Variants in NRK observed in about 807,000 individuals in gnomAD.
The protein encoded by NRK is nik-related protein kinase.
Under a neutral mutation model 125.2 loss-of-function variants are expected in NRK, and 67 were observed. The ratio of observed to expected loss-of-function variants is 0.54; its 90% CI spans 0.44 to 0.66. The LOEUF is 0.66. NRK is among the 30% of genes least tolerant of loss of function. The probability of loss-of-function intolerance (pLI) is 0.00; values close to 1 mark genes in which losing one functional copy is unlikely to be tolerated. For missense variants in NRK, 1,224 were observed against 1,192.9 expected, an observed-to-expected ratio of 1.03 and a Z score of -0.38; for synonymous variants, 458 against 429.0, an observed-to-expected ratio of 1.07 and a Z score of -0.84.
Position 105,935,250 on chromosome X carries a change from C to T in NRK, c.3580C>T (p.Pro1194Ser), listed in dbSNP as rs186268349. 4.2e-6 allele frequency: 5 copies of T among 1,191,869 alleles called. No individual in the cohort carries two copies. The highest frequency in any genetic ancestry group is 5.7e-6 in the Non-Finnish European group (5 of 879,625). Reference sequence around the variant, plus strand: ...CAATGTTAACCCACTCTATGTCTCTCCTGCATGTAAAAAACCACTAATCCA... The same window carrying T: ...CAATGTTAACCCACTCTATGTCTCTTCTGCATGTAAAAAACCACTAATCCA... ...EVNVNPLYVS[P>S]ACKKPLIHMY... The change falls in exon 21 of 29, where the codon CCT becomes TCT. Residue 1194 changes from proline to serine, a missense_variant. Coordinates refer to ENST00000243300, the MANE Select transcript of NRK (RefSeq NM_198465.4).
intron 16 of NRK, 90 bp downstream of exon 16, chrX:105,917,762 G>A (rs2040385438): frequency 1.5e-5 from 7 of 482,700 alleles, no homozygotes; most frequent in Non-Finnish European, 2.3e-5. Context: ...AGAATTTCAA[G>A]AAGGAATGAA....
At chrX:105,923,928 T>A (rs2040489234) in intron 18 of NRK, among the ~76,000 whole-genome samples, 1 of 78,917 alleles carries the variant, frequency 1.3e-5, no homozygotes, top group Non-Finnish European at 2.1e-5. Context: ...TATATATATG[T>A]GAAATTTAAG....
intron 24 of NRK, among the ~76,000 whole-genome samples, chrX:105,944,734 C>T (rs1281724719): frequency 9.0e-6 from 1 of 111,721 alleles, no homozygotes; most frequent in African/African-American, 3.3e-5. Context: ...GCCTTTGCTC[C>T]AGTTACCATG....
In NRK at chrX:105,924,866, T is replaced by C. The variant is rs774352637; in HGVS notation, c.3147T>C (p.Asn1049=). ...GAGATCAGGAAGAACATGCAGCCAATATAGGCAGTGAAAGAAGAGGCAGTG... is the reference window on the plus strand; with the variant it reads ...GAGATCAGGAAGAACATGCAGCCAACATAGGCAGTGAAAGAAGAGGCAGTG... The part of the protein sequence containing the change: ...AIGDQEEHAA[N]IGSERRGSEG... The change falls in exon 19 of 29, where the codon AAT becomes AAC. Residue 1049 remains asparagine (N), a synonymous_variant. Coordinates refer to ENST00000243300, the MANE Select transcript of NRK (RefSeq NM_198465.4). 74 of 1,208,831 alleles carry C rather than the reference T, an allele frequency of 6.1e-5. No individual in the cohort carries two copies. The highest frequency in any genetic ancestry group is 8.0e-5 in the Non-Finnish European group (72 of 894,780).
chrX:105,895,374 A>C (rs2040068751), intron 6 of NRK, 59 bp from the exon 7 acceptor site: 1 of 883,052 alleles, frequency 1.1e-6, no homozygotes, highest in Non-Finnish European at 1.6e-6. Flanking sequence ...AGAAAGAAAG[A>C]AAGAAAGAAA....
intron 12 of NRK, 65 bp downstream of exon 12, chrX:105,908,368 A>G: frequency 3.6e-6 from 2 of 559,857 alleles, no homozygotes; most frequent in Non-Finnish European, 5.5e-6. Context: ...TTGATTCCAT[A>G]CTGTTGCCTT....
At chrX:105,904,528 A>T (rs1419628670) in intron 9 of NRK, among the ~76,000 whole-genome samples, 3 of 111,916 alleles carry the variant, frequency 2.7e-5, no homozygotes, top group African/African-American at 9.7e-5. Context: ...AAAATTATTT[A>T]AAAAATTTTT....
intron 16 of NRK, among the ~76,000 whole-genome samples, chrX:105,918,282 G>T (rs2040392120): frequency 9.0e-6 from 1 of 111,258 alleles, no homozygotes; most frequent in Non-Finnish European, 1.9e-5. Flanking sequence ...GAAATATTAG[G>T]ATAAACAAAG....
chrX:105,936,769 T>C (rs1479401229), intron 21 of NRK, among the ~76,000 whole-genome samples: 1 of 111,392 alleles, frequency 9.0e-6, no homozygotes, highest in Admixed American at 9.6e-5. Context: ...TTTGAACAAA[T>C]AGAGCCAGTC....
In NRK at chrX:105,894,579, G is replaced by A. The variant is rs655611; in HGVS notation, c.489+637G>A. ...GGTTGGATTCACTTGTGATAATAGT[G>A]TAAATGGTTGAGAGTTCAAACTCTG... On this transcript the variant is annotated intron_variant, in intron 6 of 28. Transcript: ENST00000243300. Among the ~76,000 whole-genome samples the A allele has an allele frequency of 6.9e-3, 770 of 111,623 alleles. 8 individuals are homozygous for A. The highest frequency in any genetic ancestry group is 0.058 in the South Asian group (153 of 2,652).
chrX:105,926,784 T>C (rs946995249), intron 19 of NRK, among the ~76,000 whole-genome samples: 1 of 111,318 alleles, frequency 9.0e-6, no homozygotes, highest in African/African-American at 3.3e-5. Flanking sequence ...GATGCCTTTA[T>C]CAAAAATCAA....
intron 20 of NRK, among the ~76,000 whole-genome samples, chrX:105,934,714 G>C (rs1192077505): frequency 8.9e-6 from 1 of 112,437 alleles, no homozygotes; most frequent in African/African-American, 3.2e-5. Flanking sequence ...GTTCAACAAT[G>C]TATTTTAGCC....
chrX:105,907,779 A>G (rs1459764673), intron 11 of NRK: 1 of 112,429 alleles, frequency 8.9e-6, no homozygotes, highest in Non-Finnish European at 1.9e-5. Context: ...AGCTGATGAT[A>G]GGAAAGAAGC....
upstream of NRK, chrX:105,822,532 A>C: frequency 3.2e-6 from 1 of 309,513 alleles, no homozygotes; most frequent in Non-Finnish European, 5.6e-6. Flanking sequence ...GCGCACCCTG[A>C]CGGGGCAGAC....
At chrX:105,881,012 T>A (rs2039877451) in intron 3 of NRK, among the ~76,000 whole-genome samples, 1 of 111,913 alleles carries the variant, frequency 8.9e-6, no homozygotes, top group Non-Finnish European at 1.9e-5. Context: ...TTCCAATTTG[T>A]GCAGGAAGTG....
chrX:105,948,424 T>C (rs2147797601), intron 26 of NRK: 1 of 271,693 alleles, frequency 3.7e-6, no homozygotes, highest in African/African-American at 2.8e-5. Context: ...ATACTATTTT[T>C]CCAAGAGTGC....
At chrX:105,826,870 T>C (rs1036205984) in intron 1 of NRK, among the ~76,000 whole-genome samples, 21 of 111,075 alleles carry the variant, frequency 1.9e-4, no homozygotes, top group Admixed American at 5.8e-4. Flanking sequence ...CACCTCTGCA[T>C]AACACTGCAC....
intron 2 of NRK, among the ~76,000 whole-genome samples, chrX:105,866,261 C>A (rs1176259758): frequency 1.8e-5 from 2 of 110,899 alleles, no homozygotes; most frequent in African/African-American, 6.5e-5. Flanking sequence ...ATTGATACTT[C>A]CATAATCACA....
At position 105,931,232 on chromosome X, in the gene NRK, G is replaced by A. The variant is rs572378996; in HGVS notation, c.3313-3026G>A. ...GTCACAGCATTTCAGCCATCAGTTG[G>A]GGCTTGGTGAAATGACAGTGGAGCT... On this transcript the variant is annotated intron_variant, in intron 19 of 28. Coordinates refer to ENST00000243300, the MANE Select transcript of NRK (RefSeq NM_198465.4). Among the ~76,000 whole-genome samples, 30 of 112,338 alleles carry A rather than the reference G, an allele frequency of 2.7e-4. No homozygotes were observed. In the Middle Eastern group the frequency reaches 0.014, roughly 53 times the overall value.
Sources: allele counts gnomAD v4.1 joint callset (sites outside exome capture counted in the v4.1 genomes callset), GRCh38; gene constraint gnomAD v4.1.1; transcripts MANE v1.5; gene names NCBI Gene and HGNC (gene_info 2026-07-23, HGNC 2026-07-21).